EDIL3: variants seen among roughly 807,000 people sequenced by gnomAD.
EDIL3 encodes EGF like and discoidin domains 3.
EDIL3 carries 37 observed loss-of-function variants against 67.4 expected under a neutral mutation model. The ratio of observed to expected loss-of-function variants is 0.55; its 90% CI spans 0.42 to 0.72. The LOEUF is 0.72. EDIL3 is among the 30% of genes least tolerant of loss of function. The probability of loss-of-function intolerance (pLI) is 0.00; values close to 1 mark genes in which losing one functional copy is unlikely to be tolerated. For missense variants in EDIL3, 527 were observed against 586.3 expected, an observed-to-expected ratio of 0.90 and a Z score of 1.04; for synonymous variants, 195 against 196.3, an observed-to-expected ratio of 0.99 and a Z score of 0.05.
intron 3 of EDIL3, among the ~76,000 whole-genome samples, chr5:84,228,211 G>T (rs929443176): frequency 3.9e-5 from 6 of 152,036 alleles, no homozygotes; most frequent in Admixed American, 6.6e-5. Context: ...GTTAACAGGG[G>T]TTGCTTCTCA....
chr5:84,323,253 A>G (rs1746685718), intron 1 of EDIL3, among the ~76,000 whole-genome samples: 1 of 152,058 alleles, frequency 6.6e-6, no homozygotes, highest in Non-Finnish European at 1.5e-5. Context: ...ACAATATATT[A>G]AGACGTAATT....
intron 5 of EDIL3, among the ~76,000 whole-genome samples, chr5:84,110,723 G>A (rs1330997909): frequency 6.6e-6 from 1 of 152,200 alleles, no homozygotes; most frequent in African/African-American, 2.4e-5. Flanking sequence ...GGAGAGTTCA[G>A]TAATTCTTCA....
At chr5:84,064,166 A>G (rs1580307600) in intron 8 of EDIL3, among the ~76,000 whole-genome samples, 3 of 152,168 alleles carry the variant, frequency 2.0e-5, no homozygotes, top group East Asian at 1.9e-4. Flanking sequence ...GAATGAATTT[A>G]TATTAGCAAT....
intron 1 of EDIL3, among the ~76,000 whole-genome samples, chr5:84,304,924 ATAAG>A (rs1363796440): frequency 6.6e-6 from 1 of 152,228 alleles, no homozygotes; most frequent in Non-Finnish European, 1.5e-5. Context: ...CTCAATAAAA[ATAAG>A]TAAGTAGAAT....
intron 6 of EDIL3, among the ~76,000 whole-genome samples, chr5:84,092,124 C>T (rs921693526): frequency 8.5e-5 from 13 of 152,214 alleles, no homozygotes; most frequent in South Asian, 2.1e-4. Flanking sequence ...GATATCAAGA[C>T]GGAACCAGAG....
At chr5:84,282,289 T>A (rs1397965804) in intron 1 of EDIL3, among the ~76,000 whole-genome samples, 1 of 152,172 alleles carries the variant, frequency 6.6e-6, no homozygotes, top group Non-Finnish European at 1.5e-5. Flanking sequence ...AATTTTTATA[T>A]TTATAATATG....
chr5:84,304,299 T>C (rs1746222055), intron 1 of EDIL3, among the ~76,000 whole-genome samples: 1 of 152,210 alleles, frequency 6.6e-6, no homozygotes. Flanking sequence ...GTGAATAGAC[T>C]GACAGGAATG....
At chr5:84,038,586 T>C (rs1008237951) in intron 9 of EDIL3, among the ~76,000 whole-genome samples, 3 of 152,118 alleles carry the variant, frequency 2.0e-5, no homozygotes, top group African/African-American at 7.2e-5. Flanking sequence ...CCCAAGGGAG[T>C]ACCTTTCAAA....
chr5:84,237,894 A>C (rs1744710623), intron 2 of EDIL3, among the ~76,000 whole-genome samples: 1 of 152,114 alleles, frequency 6.6e-6, no homozygotes, highest in Non-Finnish European at 1.5e-5. Context: ...TAAAACTTCC[A>C]ATGTCTGATG....
intron 6 of EDIL3, among the ~76,000 whole-genome samples, chr5:84,073,156 C>G (rs1285968315): frequency 6.6e-6 from 1 of 152,174 alleles, no homozygotes; most frequent in Non-Finnish European, 1.5e-5. Context: ...ACTCTTCATG[C>G]TAAAAACTCT....
intron 1 of EDIL3, among the ~76,000 whole-genome samples, chr5:84,325,428 A>G (rs764762306): frequency 1.3e-5 from 2 of 152,014 alleles, no homozygotes; most frequent in Non-Finnish European, 2.9e-5. Flanking sequence ...GAAAAACTTC[A>G]ATGAGATATC....
At chr5:84,331,371 C>T (rs1354085160) in intron 1 of EDIL3, among the ~76,000 whole-genome samples, 3 of 152,094 alleles carry the variant, frequency 2.0e-5, no homozygotes, top group Non-Finnish European at 1.5e-5. Flanking sequence ...ACTGTAGTTC[C>T]CATAATCCCC....
chr5:84,203,060 G>A (rs1235264125), intron 3 of EDIL3, among the ~76,000 whole-genome samples: 1 of 152,132 alleles, frequency 6.6e-6, no homozygotes, highest in Admixed American at 6.6e-5. Flanking sequence ...ACAACCAAGT[G>A]ACAGAGAATA....
intron 9 of EDIL3, among the ~76,000 whole-genome samples, chr5:83,970,643 G>GTATATATATATATATATATATA (rs70975530): frequency 1.7e-5 from 2 of 116,152 alleles, no homozygotes; most frequent in Admixed American, 8.4e-5. Context: ...TAGGATCACA[G>GTATATATATATATATATATATA]TATATATATA....
chr5:84,138,758 TA>T (rs1748136770), intron 4 of EDIL3, among the ~76,000 whole-genome samples: 1 of 152,180 alleles, frequency 6.6e-6, no homozygotes, highest in African/African-American at 2.4e-5. Flanking sequence ...TAAATTTCCT[TA>T]GGTAATAACT....
At chr5:84,174,342 A>G (rs947050164) in intron 4 of EDIL3, among the ~76,000 whole-genome samples, 2 of 152,212 alleles carry the variant, frequency 1.3e-5, no homozygotes, top group Non-Finnish European at 2.9e-5. Context: ...AGAACTAACT[A>G]TATATTGGAC....
At chr5:84,352,862 A>G (rs1333463690) in intron 1 of EDIL3, among the ~76,000 whole-genome samples, 1 of 152,210 alleles carries the variant, frequency 6.6e-6, no homozygotes, top group Non-Finnish European at 1.5e-5. Flanking sequence ...AAAATGAAAT[A>G]AATAAGATTT....
intron 8 of EDIL3, among the ~76,000 whole-genome samples, chr5:84,063,198 G>C (rs1414865318): frequency 6.6e-6 from 1 of 152,110 alleles, no homozygotes; most frequent in African/African-American, 2.4e-5. Flanking sequence ...AATTGTGGAA[G>C]GTGATGTTAA....
At chr5:84,270,930 C>T (rs1192636739) in intron 1 of EDIL3, among the ~76,000 whole-genome samples, 1 of 152,048 alleles carries the variant, frequency 6.6e-6, no homozygotes, top group Non-Finnish European at 1.5e-5. Context: ...TTCATCAATC[C>T]CTTCATTCAC....
Sources: allele counts gnomAD v4.1 joint callset (sites outside exome capture counted in the v4.1 genomes callset), GRCh38; gene constraint gnomAD v4.1.1; transcripts MANE v1.5; gene names NCBI Gene and HGNC (gene_info 2026-07-23, HGNC 2026-07-21).